MAP4K4: variants seen among roughly 807,000 people sequenced by gnomAD.
The protein encoded by MAP4K4 is HPK/GCK-like kinase HGK.
In MAP4K4, 38 loss-of-function variants were observed where a neutral mutation model predicts 189.6. The observed-to-expected ratio is 0.20, with a 90% CI of 0.15 to 0.26. The LOEUF (loss-of-function observed/expected upper bound fraction) is 0.26. MAP4K4 is among the 10% of genes least tolerant of loss of function. The probability of loss-of-function intolerance (pLI) is 1.00; values close to 1 mark genes in which losing one functional copy is unlikely to be tolerated. For missense variants in MAP4K4, 1,054 were observed against 1,726.9 expected, an observed-to-expected ratio of 0.61 and a Z score of 6.91; for synonymous variants, 610 against 624.3, an observed-to-expected ratio of 0.98 and a Z score of 0.34.
intron 9 of MAP4K4, among the ~76,000 whole-genome samples, chr2:101,838,086 A>G (rs772365341): frequency 1.6e-4 from 25 of 152,326 alleles, no homozygotes; most frequent in Middle Eastern, 3.4e-3. Flanking sequence ...TCAAAAGATG[A>G]TCAGTGTCCT....
At chr2:101,838,974 A>G (rs1217713149) in intron 9 of MAP4K4, among the ~76,000 whole-genome samples, 2 of 152,198 alleles carry the variant, frequency 1.3e-5, no homozygotes, top group African/African-American at 4.8e-5. Flanking sequence ...TACCATTTCA[A>G]CCTTTCAGTG....
In MAP4K4 at chr2:101,859,854, G is replaced by A. The variant is rs781410462; in HGVS notation, c.1694G>A (p.Arg565Gln). 15 of 1,600,960 alleles carry A rather than the reference G, an allele frequency of 9.4e-6. No homozygotes were observed. The highest frequency in any genetic ancestry group is 4.0e-5 in the African/African-American group (3 of 74,684). Reference sequence around the variant, plus strand: ...AAAGCCCACTACGAGCCTGCTGACCGAGCGCGAGAGGTATCCTCTTTCCTT... The same window carrying A: ...AAAGCCCACTACGAGCCTGCTGACCAAGCGCGAGAGGTATCCTCTTTCCTT... Residue 565 changes from arginine (R) to glutamine (Q), a missense_variant, in exon 15 of 33, where the codon CGA becomes CAA. Physicochemically the swap from Arg to Gln is conservative, Grantham distance 43. Transcript: ENST00000324219.
chr2:101,891,908 G>A (rs1019193156), exon 33 of MAP4K4: 4 of 137,886 alleles, frequency 2.9e-5, no homozygotes, highest in African/African-American at 1.1e-4. Context: ...TGTTTCTTTG[G>A]ATTTGGGGTG....
At chr2:101,812,842 C>T (rs1013664727) in intron 3 of MAP4K4, among the ~76,000 whole-genome samples, 7 of 152,236 alleles carry the variant, frequency 4.6e-5, no homozygotes, top group South Asian at 2.1e-4. Flanking sequence ...AATTGGATTA[C>T]GTTGGCCAGG....
exon 29 of MAP4K4, chr2:101,885,232 C>T: frequency 6.2e-7 from 1 of 1,607,366 alleles, no homozygotes; most frequent in East Asian, 2.2e-5. Flanking sequence ...TTGAAGAGTT[C>T]TGTGGAAGTC....
intron 2 of MAP4K4, among the ~76,000 whole-genome samples, chr2:101,729,958 A>G (rs1426139127): frequency 6.6e-6 from 1 of 152,198 alleles, no homozygotes; most frequent in Non-Finnish European, 1.5e-5. Flanking sequence ...TAAAGATGCC[A>G]GGAACCTGTC....
At chr2:101,709,345 A>G (rs1350993533) in intron 2 of MAP4K4, among the ~76,000 whole-genome samples, 1 of 152,112 alleles carries the variant, frequency 6.6e-6, no homozygotes, top group Non-Finnish European at 1.5e-5. Flanking sequence ...TGAGATTACA[A>G]GTGTGAGCTA....
chr2:101,818,663 G>A (rs771762540), intron 3 of MAP4K4, among the ~76,000 whole-genome samples: 3 of 152,166 alleles, frequency 2.0e-5, no homozygotes, highest in Non-Finnish European at 4.4e-5. Flanking sequence ...GGAGTGGGCA[G>A]GGCTTGTCAT....
At chr2:101,835,452 G>T (rs936547552) in intron 8 of MAP4K4, among the ~76,000 whole-genome samples, 2 of 152,158 alleles carry the variant, frequency 1.3e-5, no homozygotes, top group South Asian at 4.1e-4. Context: ...GCTCTTTCTA[G>T]TATTTTTAGC....
At chr2:101,848,736 C>T (rs1298243901) in intron 12 of MAP4K4, among the ~76,000 whole-genome samples, 2 of 152,172 alleles carry the variant, frequency 1.3e-5, no homozygotes, top group African/African-American at 4.8e-5. Flanking sequence ...CCCTCCATCT[C>T]CCTTGGTGCT....
intron 2 of MAP4K4, among the ~76,000 whole-genome samples, chr2:101,718,446 T>A: frequency 7.7e-6 from 1 of 130,562 alleles, no homozygotes; most frequent in East Asian, 2.2e-4. Context: ...TAAGTTTAGC[T>A]CTTAACCTTT....
intron 2 of MAP4K4, among the ~76,000 whole-genome samples, chr2:101,777,504 G>A (rs373695926): frequency 9.9e-5 from 15 of 152,158 alleles, no homozygotes; most frequent in East Asian, 3.9e-4. Context: ...CCCGCAGGGC[G>A]AGTGGCAAGA....
At chr2:101,733,640 G>T (rs1441030621) in intron 2 of MAP4K4, among the ~76,000 whole-genome samples, 1 of 152,176 alleles carries the variant, frequency 6.6e-6, no homozygotes. Flanking sequence ...TGTATGGAGC[G>T]TGCATGGGAC....
chr2:101,759,515 CCCCATT>C (rs2074845603), intron 2 of MAP4K4, among the ~76,000 whole-genome samples: 1 of 54,152 alleles, frequency 1.8e-5, no homozygotes, highest in Non-Finnish European at 3.6e-5. Flanking sequence ...CCCCTCCCCT[CCCCATT>C]CCCCTCCCCT....
At chr2:101,839,843 A>G in exon 10 of MAP4K4, 3 of 1,594,138 alleles carry the variant, frequency 1.9e-6, no homozygotes, top group Non-Finnish European at 2.6e-6. Context: ...TTAGTTTTAT[A>G]GAAGGGTGCC....
At chr2:101,870,902 A>G (rs181060096) in intron 23 of MAP4K4, among the ~76,000 whole-genome samples, 3 of 152,336 alleles carry the variant, frequency 2.0e-5, no homozygotes, top group South Asian at 2.1e-4. Flanking sequence ...TTTCTCTTCT[A>G]TGTTCCAAAA....
Position 101,856,155 on chromosome 2 carries a change from CAT to C in MAP4K4, c.1395+19_1395+20del, listed in dbSNP as rs1161700691. 28 of 1,546,640 alleles carry C rather than the reference CAT, an allele frequency of 1.8e-5. No homozygotes were observed. Among genetic ancestry groups the C allele is most frequent in the Non-Finnish European group, 2.4e-5 (27 of 1,145,732 alleles). On this transcript the variant is annotated intron_variant, in intron 13 of 32. Coordinates refer to ENST00000324219, the Ensembl canonical transcript of MAP4K4. Reference sequence around the variant, plus strand: ...AGAGAACAGGTTAGTTCACAGATAACATAGCAGGCATACACTTGTGAAGTTTG... The same window carrying C: ...AGAGAACAGGTTAGTTCACAGATAACAGCAGGCATACACTTGTGAAGTTTG...
chr2:101,848,526 A>G (rs1270400303), intron 12 of MAP4K4, among the ~76,000 whole-genome samples: 11 of 152,358 alleles, frequency 7.2e-5, no homozygotes, highest in African/African-American at 1.7e-4. Context: ...ACTGTTATCT[A>G]TCAGCAGACT....
chr2:101,763,792 G>A (rs1052790524), intron 2 of MAP4K4, among the ~76,000 whole-genome samples: 1 of 152,150 alleles, frequency 6.6e-6, no homozygotes, highest in African/African-American at 2.4e-5. Context: ...GAATGTTGCT[G>A]TGAAATACAG....
Sources: gnomAD v4.1 joint callset for allele counts (sites outside exome capture counted in the v4.1 genomes callset) on GRCh38, gnomAD v4.1.1 for gene constraint, MANE v1.5 for transcripts, NCBI Gene and HGNC (gene_info 2026-07-23, HGNC 2026-07-21) for gene names.